Variants in TLL1 observed in about 807,000 individuals in gnomAD.
TLL1 encodes tolloid like 1.
Under a neutral mutation model 128.2 loss-of-function variants are expected in TLL1, and 49 were observed. The ratio of observed to expected loss-of-function variants is 0.38; its 90% CI spans 0.30 to 0.48. TLL1 has a LOEUF of 0.48. TLL1 is among the 20% of genes least tolerant of loss of function. The probability of loss-of-function intolerance (pLI) is 0.96; values close to 1 mark genes in which losing one functional copy is unlikely to be tolerated. For missense variants in TLL1, 1,123 were observed against 1,242.0 expected, an observed-to-expected ratio of 0.90 and a Z score of 1.44; for synonymous variants, 454 against 418.8, an observed-to-expected ratio of 1.08 and a Z score of -1.03.
At chr4:165,974,698 C>G (rs1214405528) in intron 1 of TLL1, among the ~76,000 whole-genome samples, 1 of 152,142 alleles carries the variant, frequency 6.6e-6, no homozygotes, top group East Asian at 1.9e-4. Context: ...ACCATCAGTA[C>G]AAGAGAAAGA....
chr4:165,955,015 C>G (rs866021748), intron 1 of TLL1, among the ~76,000 whole-genome samples: 1 of 152,064 alleles, frequency 6.6e-6, no homozygotes, highest in Non-Finnish European at 1.5e-5. Flanking sequence ...AGTTGAAACA[C>G]AATCCATGTA....
intron 9 of TLL1, among the ~76,000 whole-genome samples, chr4:166,026,461 T>C (rs1738495916): frequency 6.6e-6 from 1 of 151,470 alleles, no homozygotes. Context: ...CTGAGGAGGG[T>C]GGATCACCTG....
intron 1 of TLL1, among the ~76,000 whole-genome samples, chr4:165,927,509 T>G (rs1215219769): frequency 6.6e-6 from 1 of 152,232 alleles, no homozygotes; most frequent in African/African-American, 2.4e-5. Flanking sequence ...GTAAGAGGAT[T>G]AAGCATTTCA....
At chr4:165,904,492 A>G (rs1342410806) in intron 1 of TLL1, among the ~76,000 whole-genome samples, 1 of 152,204 alleles carries the variant, frequency 6.6e-6, no homozygotes, top group Non-Finnish European at 1.5e-5. Flanking sequence ...ACCCCTTATA[A>G]GCAGGCAGGG....
At chr4:166,044,421 C>T (rs1370141214) in intron 12 of TLL1, 1 of 1,535,532 alleles carries the variant, frequency 6.5e-7, no homozygotes, top group Admixed American at 2.0e-5. Flanking sequence ...CTCTCATCCT[C>T]ATCTGGAAGC....
intron 1 of TLL1, among the ~76,000 whole-genome samples, chr4:165,876,386 A>G (rs950460731): frequency 1.3e-5 from 2 of 152,364 alleles, no homozygotes; most frequent in East Asian, 3.9e-4. Flanking sequence ...GGTCTGTGAA[A>G]GAAAGCCATG....
chr4:166,088,322 G>A (rs1486143641), intron 18 of TLL1, among the ~76,000 whole-genome samples: 1 of 152,082 alleles, frequency 6.6e-6, no homozygotes, highest in Admixed American at 6.6e-5. Context: ...GTGATAAATG[G>A]CATATCACAC....
intron 1 of TLL1, among the ~76,000 whole-genome samples, chr4:165,967,968 C>T (rs1735468203): frequency 4.6e-5 from 7 of 152,136 alleles, no homozygotes; most frequent in Admixed American, 4.6e-4. Flanking sequence ...AATACAATGC[C>T]TAGGTTTGAA....
At chr4:166,025,062 G>A (rs974024818) in intron 8 of TLL1, among the ~76,000 whole-genome samples, 6 of 152,158 alleles carry the variant, frequency 3.9e-5, no homozygotes, top group Admixed American at 3.9e-4. Flanking sequence ...AGGTTTCCAT[G>A]AGGAAGAATT....
At chr4:165,902,589 G>A (rs901011148) in intron 1 of TLL1, among the ~76,000 whole-genome samples, 1 of 152,108 alleles carries the variant, frequency 6.6e-6, no homozygotes, top group Non-Finnish European at 1.5e-5. Flanking sequence ...CCCTGCTTTG[G>A]CTTGCCTTCC....
At chr4:165,890,669 C>CTT (rs1288538033) in intron 1 of TLL1, among the ~76,000 whole-genome samples, 1 of 152,228 alleles carries the variant, frequency 6.6e-6, no homozygotes, top group Non-Finnish European at 1.5e-5. Flanking sequence ...CCTTGGGCAG[C>CTT]TCTGCCTCTA....
chr4:166,056,020 G>A (rs1267320232), intron 13 of TLL1, among the ~76,000 whole-genome samples: 3 of 152,050 alleles, frequency 2.0e-5, no homozygotes, highest in Non-Finnish European at 4.4e-5. Flanking sequence ...AAAACTTAGA[G>A]TGATAGATAT....
chr4:166,055,770 A>G (rs1359258505), intron 13 of TLL1, among the ~76,000 whole-genome samples: 2 of 152,146 alleles, frequency 1.3e-5, no homozygotes, highest in Non-Finnish European at 2.9e-5. Flanking sequence ...GAAATGCATA[A>G]CTACATTTCA....
At chr4:166,068,618 A>C (rs995971483) in intron 16 of TLL1, among the ~76,000 whole-genome samples, 11 of 151,918 alleles carry the variant, frequency 7.2e-5, no homozygotes, top group African/African-American at 2.7e-4. Context: ...AGAAATCAAG[A>C]GTCATTAAAA....
chr4:165,955,406 G>A (rs367980029), intron 1 of TLL1, among the ~76,000 whole-genome samples: 110 of 152,144 alleles, frequency 7.2e-4, no homozygotes, highest in Middle Eastern at 3.4e-3. Flanking sequence ...AGTCTCACTA[G>A]AGAGGGCAAC....
intron 5 of TLL1, among the ~76,000 whole-genome samples, chr4:166,001,794 CAAA>C (rs11307532): frequency 1.5e-4 from 20 of 131,810 alleles, no homozygotes; most frequent in African/African-American, 1.7e-4. Flanking sequence ...AACTCCATCT[CAAA>C]AAAAAAAAAA....
chr4:165,924,738 C>T (rs1362866104), intron 1 of TLL1, among the ~76,000 whole-genome samples: 1 of 152,128 alleles, frequency 6.6e-6, no homozygotes, highest in Non-Finnish European at 1.5e-5. Context: ...CCATCTAGGA[C>T]TTTCATAGTT....
intron 1 of TLL1, among the ~76,000 whole-genome samples, chr4:165,877,266 A>C (rs1014716286): frequency 3.9e-5 from 6 of 152,260 alleles, no homozygotes; most frequent in Admixed American, 1.3e-4. Context: ...TATAAGTGAT[A>C]GTAGGTGAGT....
chr4:166,076,571 A>G (rs1238685679), intron 17 of TLL1, among the ~76,000 whole-genome samples: 1 of 152,178 alleles, frequency 6.6e-6, no homozygotes, highest in Non-Finnish European at 1.5e-5. Flanking sequence ...TTGCCAGGAA[A>G]GGGGTTGGAT....
Sources: gnomAD v4.1 joint callset for allele counts (sites outside exome capture counted in the v4.1 genomes callset) on GRCh38, gnomAD v4.1.1 for gene constraint, MANE v1.5 for transcripts, NCBI Gene and HGNC (gene_info 2026-07-23, HGNC 2026-07-21) for gene names.